The following SMOC2 variants were observed in gnomAD, a reference collection of about 807,000 sequenced individuals.
SMOC2 encodes SPARC related modular calcium binding 2.
A neutral mutation model predicts 61.4 loss-of-function variants in SMOC2; 39 were observed. The ratio of observed to expected loss-of-function variants is 0.64; its 90% CI spans 0.49 to 0.83. The LOEUF is 0.83. SMOC2 is among the 40% of genes least tolerant of loss of function. The pLI is 0.00. For missense variants in SMOC2, 556 were observed against 592.9 expected (o/e 0.94, Z 0.65); for synonymous variants, 247 against 239.9 (o/e 1.03, Z -0.27).
chr6:168,615,393 A>C (rs1217216241), intron 9 of SMOC2, among the ~76,000 whole-genome samples: 42 of 80,082 alleles, frequency 5.2e-4, no homozygotes, highest in Middle Eastern at 8.1e-3. Flanking sequence ...ACCTACAGCC[A>C]GCACAGGGCC....
chr6:168,457,848 C>A (rs549026009), intron 1 of SMOC2, among the ~76,000 whole-genome samples: 62 of 152,256 alleles, frequency 4.1e-4, no homozygotes, highest in African/African-American at 1.2e-3. Context: ...TAGAAACATT[C>A]CAGTTGTTTC....
chr6:168,573,063 G>C (rs112397924), intron 7 of SMOC2, among the ~76,000 whole-genome samples: 808 of 34,626 alleles, frequency 0.023, 2 homozygotes, highest in Middle Eastern at 0.033. Context: ...CCCCGGGTGC[G>C]GGGACCAGGG....
intron 7 of SMOC2, among the ~76,000 whole-genome samples, chr6:168,567,857 CAT>C (rs1784577433): frequency 6.6e-6 from 1 of 150,668 alleles, no homozygotes; most frequent in Admixed American, 6.6e-5. Flanking sequence ...GTCGGTGTCT[CAT>C]ATTAGAATTT....
At chr6:168,484,416 G>A (rs1782282780) in intron 1 of SMOC2, among the ~76,000 whole-genome samples, 1 of 152,100 alleles carries the variant, frequency 6.6e-6, no homozygotes, top group South Asian at 2.1e-4. Context: ...CATTATAATA[G>A]CTACTGTTTT....
At chr6:168,587,844 G>A (rs543141669) in intron 7 of SMOC2, among the ~76,000 whole-genome samples, 3 of 152,140 alleles carry the variant, frequency 2.0e-5, no homozygotes, top group Non-Finnish European at 2.9e-5. Flanking sequence ...CTTTGGCTTC[G>A]TGACTTTGGG....
intron 4 of SMOC2, among the ~76,000 whole-genome samples, chr6:168,532,106 C>T (rs1562331894): frequency 1.3e-5 from 2 of 152,126 alleles, no homozygotes; most frequent in Non-Finnish European, 2.9e-5. Flanking sequence ...TCTCAGAGCC[C>T]TGCTGATGTC....
chr6:168,587,381 C>T (rs922597914), intron 7 of SMOC2, among the ~76,000 whole-genome samples: 7 of 152,156 alleles, frequency 4.6e-5, no homozygotes, highest in Non-Finnish European at 7.3e-5. Flanking sequence ...GACATGGCCT[C>T]GGGAGGTCCT....
intron 7 of SMOC2, among the ~76,000 whole-genome samples, chr6:168,565,858 T>C (rs11969025): frequency 0.25 from 37,463 of 152,070 alleles, 4,801 homozygotes; most frequent in Middle Eastern, 0.41. Flanking sequence ...AAAGGGATAC[T>C]AGTGAAAGAG....
rs564318854 is a variant in SMOC2 at position 168,527,624 on chromosome 6, G to T, written c.364-4G>T. 2 of 1,548,838 alleles carry T rather than the reference G, an allele frequency of 1.3e-6. No homozygotes were observed. The highest frequency in any genetic ancestry group is 2.4e-5 in the East Asian group (1 of 40,970). On this transcript the variant is annotated splice_polypyrimidine_tract_variant and splice_region_variant and intron_variant, in intron 3 of 12. Coordinates refer to ENST00000356284, the MANE Select transcript of SMOC2 (RefSeq NM_001166412.2). Reference sequence around the variant, plus strand: ...GGGCTTACCCGTCCTGTGCTCTCTCGCAGGTCCAGTGTCACAGCTACACGG... The same window carrying T: ...GGGCTTACCCGTCCTGTGCTCTCTCTCAGGTCCAGTGTCACAGCTACACGG...
intron 7 of SMOC2, among the ~76,000 whole-genome samples, chr6:168,589,045 C>G (rs1442750784): frequency 7.1e-6 from 1 of 141,118 alleles, no homozygotes; most frequent in Non-Finnish European, 1.5e-5. Context: ...CCACTGCACT[C>G]CAGCCTGCAT....
intron 1 of SMOC2, among the ~76,000 whole-genome samples, chr6:168,486,746 C>T (rs866618352): frequency 7.9e-5 from 12 of 151,780 alleles, no homozygotes; most frequent in South Asian, 2.1e-4. Context: ...TGTGGTTCAA[C>T]GGCATTTTAC....
At chr6:168,517,463 C>T (rs891819482) in intron 2 of SMOC2, among the ~76,000 whole-genome samples, 6 of 152,262 alleles carry the variant, frequency 3.9e-5, no homozygotes, top group Admixed American at 6.5e-5. Flanking sequence ...GGTGCAGCTC[C>T]TTCCACTTCC....
chr6:168,451,525 A>G lies in SMOC2; in HGVS notation c.84+10071A>G, dbSNP rs540119097. On this transcript the variant is annotated intron_variant, in intron 1 of 12. Coordinates refer to ENST00000356284, the MANE Select transcript of SMOC2 (RefSeq NM_001166412.2). ...ACAGAGCCCTCTCTCTGTGCCCTGC[A>G]GACATGATCTCCTGTGTCCTCACAG... Among the ~76,000 whole-genome samples, 10 of 152,188 alleles carry G rather than the reference A, an allele frequency of 6.6e-5. No individual in the cohort carries two copies. In the East Asian group the frequency reaches 1.2e-3, roughly 18 times the overall value.
intron 1 of SMOC2, among the ~76,000 whole-genome samples, chr6:168,500,512 G>A (rs1485206411): frequency 6.6e-6 from 1 of 152,066 alleles, no homozygotes; most frequent in Non-Finnish European, 1.5e-5. Context: ...GTCTCCGCGT[G>A]GTCATGCCCC....
At chr6:168,661,243 C>A (rs570322075) in intron 11 of SMOC2, among the ~76,000 whole-genome samples, 1 of 152,286 alleles carries the variant, frequency 6.6e-6, no homozygotes, top group African/African-American at 2.4e-5. Flanking sequence ...TTCTAAATAT[C>A]CACACTGTTG....
intron 1 of SMOC2, among the ~76,000 whole-genome samples, chr6:168,463,381 G>T (rs548531126): frequency 6.6e-6 from 1 of 152,212 alleles, no homozygotes; most frequent in African/African-American, 2.4e-5. Context: ...TGCTGCGTAT[G>T]TGCTGAAATA....
At chr6:168,617,386 G>A (rs1008171970) in intron 9 of SMOC2, among the ~76,000 whole-genome samples, 2 of 152,176 alleles carry the variant, frequency 1.3e-5, no homozygotes, top group East Asian at 1.9e-4. Flanking sequence ...TCTCACCGAC[G>A]TGGCTGAGCA....
rs1456796708 is a variant in SMOC2 at position 168,545,428 on chromosome 6, A to G, written c.512-1691A>G. On this transcript the variant is annotated intron_variant, in intron 5 of 12. Coordinates refer to ENST00000356284, the MANE Select transcript of SMOC2 (RefSeq NM_001166412.2). ...CACACACTCTGATAGAGGGAAAGTA[A>G]AAAATGCACAGCTCTTCGAGATTTT... Among the ~76,000 whole-genome samples the G allele has an allele frequency of 2.0e-5, 3 of 152,226 alleles. No individual in the cohort carries two copies. The South Asian group carries it at 6.2e-4, about 32-fold the overall frequency.
chr6:168,570,276 G>A (rs1180550652), intron 7 of SMOC2, among the ~76,000 whole-genome samples: 1 of 152,094 alleles, frequency 6.6e-6, no homozygotes, highest in African/African-American at 2.4e-5. Flanking sequence ...GAAATGAGAG[G>A]TGCAATGCAC....
Sources: gnomAD v4.1 joint callset for allele counts (sites outside exome capture counted in the v4.1 genomes callset) on GRCh38, gnomAD v4.1.1 for gene constraint, MANE v1.5 for transcripts, NCBI Gene and HGNC (gene_info 2026-07-23, HGNC 2026-07-21) for gene names.